The following ARB2A variants were observed in gnomAD, a reference collection of about 807,000 sequenced individuals.
ARB2A encodes the protein cotranscriptional regulator ARB2A.
At chr5:93,932,610 C>T in the ARB2A span, among the ~76,000 whole-genome samples, 1 of 152,202 alleles carries the variant, frequency 6.6e-6, no homozygotes, top group African/African-American at 2.4e-5. Flanking sequence ...TGAATTTAAA[C>T]TGATTTTCCA....
At chr5:93,858,717 G>A in the ARB2A span, among the ~76,000 whole-genome samples, 2 of 152,174 alleles carry the variant, frequency 1.3e-5, no homozygotes, top group Admixed American at 6.5e-5. Flanking sequence ...GCAGTGAGAG[G>A]TGAAATATTA....
At chr5:93,956,856 A>C in the ARB2A span, among the ~76,000 whole-genome samples, 7 of 152,146 alleles carry the variant, frequency 4.6e-5, no homozygotes, top group African/African-American at 1.7e-4. Flanking sequence ...CTTTATCCAG[A>C]TTTAAAAGTG....
At chr5:93,715,593 C>A in the ARB2A span, among the ~76,000 whole-genome samples, 1 of 151,300 alleles carries the variant, frequency 6.6e-6, no homozygotes, top group African/African-American at 2.4e-5. Flanking sequence ...ACAGTGTCAC[C>A]TAACACAAAC....
chr5:94,075,847 G>T, the ARB2A span, among the ~76,000 whole-genome samples: 2 of 152,142 alleles, frequency 1.3e-5, no homozygotes, highest in Non-Finnish European at 2.9e-5. Flanking sequence ...TGCTGCCCTT[G>T]TGTCAAGTCT....
the ARB2A span, among the ~76,000 whole-genome samples, chr5:94,057,711 A>G: frequency 1.3e-5 from 2 of 152,228 alleles, no homozygotes; most frequent in African/African-American, 4.8e-5. Context: ...CTGGAAAGCA[A>G]GAAGACACAT....
chr5:93,825,232 G>A, the ARB2A span, among the ~76,000 whole-genome samples: 1 of 152,112 alleles, frequency 6.6e-6, no homozygotes, highest in African/African-American at 2.4e-5. Flanking sequence ...TGTGTAGGTG[G>A]AATCAATTGA....
chr5:93,763,029 A>C, the ARB2A span, among the ~76,000 whole-genome samples: 1 of 152,104 alleles, frequency 6.6e-6, no homozygotes, highest in Non-Finnish European at 1.5e-5. Context: ...ACTGCCCTAA[A>C]AGAGCTCCTG....
At chr5:93,790,312 C>T in the ARB2A span, among the ~76,000 whole-genome samples, 82 of 152,162 alleles carry the variant, frequency 5.4e-4, no homozygotes, top group African/African-American at 1.7e-3. Flanking sequence ...TAAACTACTC[C>T]GAATCTTTAA....
At chr5:93,859,695 T>C in the ARB2A span, among the ~76,000 whole-genome samples, 42 of 152,166 alleles carry the variant, frequency 2.8e-4, 1 homozygote, top group African/African-American at 9.9e-4. Flanking sequence ...AGATGGCCAA[T>C]GAAAAACGAA....
chr5:93,855,693 T>C, the ARB2A span, among the ~76,000 whole-genome samples: 1 of 152,152 alleles, frequency 6.6e-6, no homozygotes, highest in Non-Finnish European at 1.5e-5. Flanking sequence ...CTCTGTAAAG[T>C]ATTTTATTTC....
At chr5:94,012,964 G>T in the ARB2A span, among the ~76,000 whole-genome samples, 1 of 152,120 alleles carries the variant, frequency 6.6e-6, no homozygotes, top group Non-Finnish European at 1.5e-5. Flanking sequence ...GGGAGGTCTG[G>T]AAAGTCTTCA....
At chr5:94,102,037 T>A in the ARB2A span, among the ~76,000 whole-genome samples, 3 of 151,568 alleles carry the variant, frequency 2.0e-5, no homozygotes, top group Non-Finnish European at 4.4e-5. Context: ...AAAATGAAAC[T>A]TTCCTCCTGA....
At chr5:93,919,559 T>C in the ARB2A span, among the ~76,000 whole-genome samples, 7 of 152,182 alleles carry the variant, frequency 4.6e-5, no homozygotes, top group Non-Finnish European at 7.4e-5. Flanking sequence ...TCTTAGGCAA[T>C]TGTGATTGGC....
the ARB2A span, among the ~76,000 whole-genome samples, chr5:93,911,252 T>C: frequency 9.9e-5 from 15 of 151,494 alleles, no homozygotes; most frequent in Non-Finnish European, 1.8e-4. Context: ...ACCACTAAAT[T>C]TGTAGGTAAA....
At chr5:94,066,422 GCACACACACA>G in the ARB2A span, among the ~76,000 whole-genome samples, 222 of 132,516 alleles carry the variant, frequency 1.7e-3, no homozygotes, top group African/African-American at 4.6e-3. Context: ...GCCAGACTAA[GCACACACACA>G]CACACACACA....
chr5:93,714,318 A>G, the ARB2A span, among the ~76,000 whole-genome samples: 1 of 152,198 alleles, frequency 6.6e-6, no homozygotes, highest in Non-Finnish European at 1.5e-5. Flanking sequence ...ATGAGTTTAA[A>G]TTATTTATTA....
At chr5:93,683,661 G>A in the ARB2A span, 92 of 1,602,716 alleles carry the variant, frequency 5.7e-5, 1 homozygote, top group Middle Eastern at 4.5e-4. Context: ...GTTCACAACC[G>A]AAAAGATAGT....
the ARB2A span, among the ~76,000 whole-genome samples, chr5:93,926,020 A>G: frequency 6.6e-6 from 1 of 152,214 alleles, no homozygotes; most frequent in Non-Finnish European, 1.5e-5. Flanking sequence ...GTACAAAAAT[A>G]CCAAATGCAA....
At chr5:93,932,625 C>T in the ARB2A span, among the ~76,000 whole-genome samples, 1 of 152,138 alleles carries the variant, frequency 6.6e-6, no homozygotes, top group Non-Finnish European at 1.5e-5. Flanking sequence ...TTTCCACAAG[C>T]AAATCGTGTT....
Sources: allele counts gnomAD v4.1 joint callset (sites outside exome capture counted in the v4.1 genomes callset), GRCh38; gene constraint gnomAD v4.1.1; transcripts MANE v1.5; gene names NCBI Gene and HGNC (gene_info 2026-07-23, HGNC 2026-07-21).